NRXN3: variants seen among roughly 807,000 people sequenced by gnomAD.
The protein encoded by NRXN3 is neurexin 3, also known as neurexin III.
Under a neutral mutation model 137.6 loss-of-function variants are expected in NRXN3, and 32 were observed. The ratio of observed to expected loss-of-function variants is 0.23; its 90% CI spans 0.18 to 0.31. The LOEUF is 0.31. NRXN3 is among the 10% of genes least tolerant of loss of function. The probability of loss-of-function intolerance (pLI) is 1.00; values close to 1 mark genes in which losing one functional copy is unlikely to be tolerated. For synonymous variants in NRXN3, 798 were observed against 784.5 expected (o/e 1.02, Z -0.29); for missense variants, 1,574 against 2,062.5 (o/e 0.76, Z 4.59).
intron 16 of NRXN3, among the ~76,000 whole-genome samples, chr14:79,513,472 C>T (rs2096952568): frequency 6.6e-6 from 1 of 152,150 alleles, no homozygotes. Flanking sequence ...ATAATCTGTC[C>T]CTAGCACAGG....
At chr14:78,440,946 T>C (rs2094223782) in intron 4 of NRXN3, among the ~76,000 whole-genome samples, 1 of 152,214 alleles carries the variant, frequency 6.6e-6, no homozygotes, top group Non-Finnish European at 1.5e-5. Flanking sequence ...CAACTGTCTG[T>C]GTCCTGAGGC....
chr14:79,554,580 A>G (rs1050146809), intron 16 of NRXN3, among the ~76,000 whole-genome samples: 3 of 152,132 alleles, frequency 2.0e-5, no homozygotes, highest in Non-Finnish European at 2.9e-5. Context: ...TTAGCGTACT[A>G]CTTGGGTAGG....
At chr14:78,946,450 C>T (rs746557603) in intron 10 of NRXN3, among the ~76,000 whole-genome samples, 1 of 152,168 alleles carries the variant, frequency 6.6e-6, no homozygotes, top group African/African-American at 2.4e-5. Flanking sequence ...TTTATTTGTT[C>T]AACTCCCCCA....
rs576051835 is a variant in NRXN3 at position 78,740,214 on chromosome 14, A to G, written c.2044+25075A>G. ...GTTTTTCTGGGCTTGCTTTTCTATT[A>G]GAAACCATTTGGTTTTGTGGCCTTG... On this transcript the variant is annotated intron_variant, in intron 8 of 20. Coordinates refer to ENST00000335750, the MANE Select transcript of NRXN3 (RefSeq NM_001330195.2). Among the ~76,000 whole-genome samples the G allele has an allele frequency of 2.7e-4, 41 of 152,310 alleles. 1 individual carries two copies. In the South Asian group the frequency reaches 8.3e-3, roughly 31 times the overall value.
At position 79,009,909 on chromosome 14, in the gene NRXN3, TG is replaced by T. The variant is rs896170236; in HGVS notation, c.3262+21771del. Reference sequence around the variant, plus strand: ...TCACGAAATAATTCAGCAAATACTGTGGGACTATAAGGTATTCCTGTGTTGT... The same window carrying T: ...TCACGAAATAATTCAGCAAATACTGTGGACTATAAGGTATTCCTGTGTTGT... On this transcript the variant is annotated intron_variant, in intron 15 of 20. Coordinates refer to ENST00000335750, the MANE Select transcript of NRXN3 (RefSeq NM_001330195.2). 7.9e-5 allele frequency among the ~76,000 whole-genome samples: 12 copies of T among 152,326 alleles called. No individual in the cohort carries two copies. The Middle Eastern group carries it at 0.014, about 173-fold the overall frequency.
At chr14:78,348,068 A>G (rs1333302826) in intron 4 of NRXN3, among the ~76,000 whole-genome samples, 1 of 152,198 alleles carries the variant, frequency 6.6e-6, no homozygotes, top group Non-Finnish European at 1.5e-5. Context: ...GAATCACTCT[A>G]GGAAAAACGT....
At chr14:79,534,659 A>G (rs1186060351) in intron 16 of NRXN3, among the ~76,000 whole-genome samples, 2 of 152,210 alleles carry the variant, frequency 1.3e-5, no homozygotes. Context: ...CAAGGTTTAA[A>G]AAACAAAAAA....
intron 15 of NRXN3, among the ~76,000 whole-genome samples, chr14:79,039,915 G>A (rs1388941778): frequency 1.3e-5 from 2 of 152,106 alleles, no homozygotes; most frequent in Non-Finnish European, 2.9e-5. Flanking sequence ...GGTTGCCCAG[G>A]CTGGTCTCAA....
intron 1 of NRXN3, among the ~76,000 whole-genome samples, chr14:78,213,660 A>G (rs2062966390): frequency 6.6e-6 from 1 of 152,056 alleles, no homozygotes; most frequent in Non-Finnish European, 1.5e-5. Flanking sequence ...ATGTGAATGC[A>G]GTGATGGATC....
intron 15 of NRXN3, among the ~76,000 whole-genome samples, chr14:79,080,406 G>A (rs1376409621): frequency 6.6e-6 from 1 of 152,150 alleles, no homozygotes. Flanking sequence ...TTACCAAGTA[G>A]AATAGATTGT....
At chr14:79,728,866 A>G (rs1293550678) in intron 19 of NRXN3, among the ~76,000 whole-genome samples, 1 of 152,208 alleles carries the variant, frequency 6.6e-6, no homozygotes, top group Admixed American at 6.5e-5. Context: ...GGAAAGGGAA[A>G]GGGAGGTGAT....
chr14:79,822,832 CAAAA>C (rs1185173048), intron 20 of NRXN3, among the ~76,000 whole-genome samples: 1 of 146,532 alleles, frequency 6.8e-6, no homozygotes, highest in Non-Finnish European at 1.5e-5. Flanking sequence ...AACAAACAAA[CAAAA>C]AAACCAAAAA....
chr14:79,560,127 G>A (rs78474889), intron 16 of NRXN3, among the ~76,000 whole-genome samples: 1 of 152,072 alleles, frequency 6.6e-6, no homozygotes, highest in Non-Finnish European at 1.5e-5. Flanking sequence ...GCAACTAACT[G>A]CTTGACATTC....
chr14:79,462,413 C>A (rs2096357417), intron 15 of NRXN3, among the ~76,000 whole-genome samples: 1 of 151,588 alleles, frequency 6.6e-6, no homozygotes, highest in Non-Finnish European at 1.5e-5. Context: ...AAATTTAACT[C>A]TCAGATTTCC....
chr14:79,254,153 A>C (rs1450648147), intron 15 of NRXN3, among the ~76,000 whole-genome samples: 1 of 152,188 alleles, frequency 6.6e-6, no homozygotes, highest in Non-Finnish European at 1.5e-5. Context: ...ACTCTGGGGC[A>C]ACCTGAAGGC....
At chr14:79,832,915 T>C (rs2099327907) in intron 20 of NRXN3, among the ~76,000 whole-genome samples, 1 of 152,148 alleles carries the variant, frequency 6.6e-6, no homozygotes, top group Non-Finnish European at 1.5e-5. Flanking sequence ...ATATATTAAA[T>C]ATATCCACTG....
intron 15 of NRXN3, among the ~76,000 whole-genome samples, chr14:79,243,263 A>G (rs550017515): frequency 1.5e-4 from 23 of 152,272 alleles, no homozygotes; most frequent in African/African-American, 5.5e-4. Flanking sequence ...GTCATCTATA[A>G]TATAATTTTC....
chr14:78,710,271 A>T (rs533736197), intron 7 of NRXN3, among the ~76,000 whole-genome samples: 7 of 151,700 alleles, frequency 4.6e-5, no homozygotes, highest in Admixed American at 6.6e-5. Flanking sequence ...TCCTCTTCAT[A>T]ACCTTTTACA....
chr14:79,449,023 T>A (rs531308200), intron 15 of NRXN3, among the ~76,000 whole-genome samples: 2 of 152,234 alleles, frequency 1.3e-5, no homozygotes, highest in South Asian at 2.1e-4. Context: ...AAGGAGTTGC[T>A]GGAAAGACTG....
Sources: allele counts gnomAD v4.1 joint callset (sites outside exome capture counted in the v4.1 genomes callset), GRCh38; gene constraint gnomAD v4.1.1; transcripts MANE v1.5; gene names NCBI Gene and HGNC (gene_info 2026-07-23, HGNC 2026-07-21).